The following LRP1B variants were observed in gnomAD, a reference collection of about 807,000 sequenced individuals.
LRP1B encodes the protein low-density lipoprotein receptor-related protein 1B.
A neutral mutation model predicts 556.6 loss-of-function variants in LRP1B; 217 were observed. That is an observed-to-expected ratio of 0.39 (90% confidence interval 0.35 to 0.44). The LOEUF (loss-of-function observed/expected upper bound fraction) is 0.44. Ranked by LOEUF, LRP1B falls within the 20% of genes least tolerant of loss-of-function variation. LRP1B has a pLI of 1.00. For missense variants in LRP1B, 5,053 were observed against 5,620.8 expected (o/e 0.90, Z 3.23); for synonymous variants, 2,047 against 1,865.8 (o/e 1.10, Z -2.50).
intron 45 of LRP1B, among the ~76,000 whole-genome samples, chr2:140,538,293 G>A (rs1680004032): frequency 6.6e-6 from 1 of 152,054 alleles, no homozygotes; most frequent in African/African-American, 2.4e-5. Context: ...ACATGATACT[G>A]AGGTTTAAGA....
At position 141,727,109 on chromosome 2, in the gene LRP1B, T is replaced by G. The variant is rs185266730; in HGVS notation, c.205+83170A>C. On this transcript the variant is annotated intron_variant, in intron 2 of 90. Transcript: ENST00000389484. Reference sequence around the variant, plus strand: ...GGAGATTATTTAATGGGCTAAAATTTGTTATTTTGAAGAAGAAACAAGGAA... The same window carrying G: ...GGAGATTATTTAATGGGCTAAAATTGGTTATTTTGAAGAAGAAACAAGGAA... 2.6e-3 allele frequency among the ~76,000 whole-genome samples: 389 copies of G among 152,244 alleles called. 3 individuals carry two copies. Among genetic ancestry groups the G allele is most frequent in the Non-Finnish European group, 4.8e-3 (328 of 68,014 alleles).
At chr2:141,361,651 A>G (rs918945449) in intron 3 of LRP1B, among the ~76,000 whole-genome samples, 2 of 152,150 alleles carry the variant, frequency 1.3e-5, no homozygotes, top group Non-Finnish European at 2.9e-5. Context: ...TCAGTGCTCA[A>G]ACTACTTGCT....
At chr2:141,223,274 C>T (rs1416847120) in intron 6 of LRP1B, among the ~76,000 whole-genome samples, 1 of 152,156 alleles carries the variant, frequency 6.6e-6, no homozygotes, top group Non-Finnish European at 1.5e-5. Flanking sequence ...CATGAATCAA[C>T]TCCCATTCAC....
intron 20 of LRP1B, among the ~76,000 whole-genome samples, chr2:140,940,716 T>C (rs1008991316): frequency 1.3e-5 from 2 of 152,136 alleles, no homozygotes; most frequent in South Asian, 4.1e-4. Context: ...TTGTGAACAG[T>C]GCTGCAATGA....
intron 3 of LRP1B, among the ~76,000 whole-genome samples, chr2:141,430,459 T>C (rs1680521976): frequency 6.6e-6 from 1 of 152,182 alleles, no homozygotes; most frequent in Non-Finnish European, 1.5e-5. Flanking sequence ...GGTAATTAAT[T>C]ATCAAAAGCT....
Position 141,042,903 on chromosome 2 carries a change from C to T in LRP1B, c.1789+6083G>A, listed in dbSNP as rs570375689. ...TTTGTACTCTTGGGCCCATACTTTA[C>T]GTAAAATTATAAAAATCACCGTTGG... On this transcript the variant is annotated intron_variant, in intron 11 of 90. Transcript: ENST00000389484. 4.9e-4 allele frequency among the ~76,000 whole-genome samples: 74 copies of T among 151,590 alleles called. 1 individual carries two copies. Among genetic ancestry groups the T allele is most frequent in the Non-Finnish European group, 1.0e-3 (68 of 67,868 alleles).
chr2:140,399,792 G>C (rs1238571108), intron 66 of LRP1B, among the ~76,000 whole-genome samples: 2 of 152,192 alleles, frequency 1.3e-5, no homozygotes, highest in African/African-American at 4.8e-5. Context: ...AAACCATTGT[G>C]ATAGATGATA....
chr2:140,277,438 T>A (rs183534859), intron 84 of LRP1B, among the ~76,000 whole-genome samples: 1 of 151,748 alleles, frequency 6.6e-6, no homozygotes. Context: ...ATACAAAAAA[T>A]TAGCTGGATG....
chr2:141,073,039 G>A lies in LRP1B; in HGVS notation c.1014-10766C>T, dbSNP rs992231402. On this transcript the variant is annotated intron_variant, in intron 7 of 90. Transcript: ENST00000389484. ...CTACTAAATGTCATATTCAGCACACGAATTTGCTTTACTATTTATCATTCT... is the reference window on the plus strand; with the variant it reads ...CTACTAAATGTCATATTCAGCACACAAATTTGCTTTACTATTTATCATTCT... 5.9e-5 allele frequency among the ~76,000 whole-genome samples: 9 copies of A among 151,890 alleles called. No individual in the cohort carries two copies. The East Asian group carries it at 1.5e-3, about 26-fold the overall frequency.
intron 72 of LRP1B, among the ~76,000 whole-genome samples, chr2:140,359,617 T>A (rs2105140260): frequency 6.6e-6 from 1 of 151,732 alleles, no homozygotes; most frequent in South Asian, 2.1e-4. Context: ...CATCCTTAGA[T>A]GTGAAGTTAC....
intron 1 of LRP1B, among the ~76,000 whole-genome samples, chr2:141,997,145 A>G (rs532491624): frequency 3.0e-4 from 45 of 152,108 alleles, no homozygotes; most frequent in African/African-American, 1.1e-3. Flanking sequence ...GGCCAAACTG[A>G]AAGGGCAATG....
chr2:140,624,496 C>T (rs769682964), intron 41 of LRP1B, among the ~76,000 whole-genome samples: 1 of 152,118 alleles, frequency 6.6e-6, no homozygotes. Context: ...CTTCTACCCC[C>T]ACCCCAGGTT....
At chr2:141,867,908 C>A (rs946021647) in intron 1 of LRP1B, among the ~76,000 whole-genome samples, 7 of 152,046 alleles carry the variant, frequency 4.6e-5, no homozygotes, top group Admixed American at 2.6e-4. Flanking sequence ...GGCAAGAAAG[C>A]AAGGATGAAC....
At chr2:141,262,604 T>C (rs1684737417) in intron 3 of LRP1B, among the ~76,000 whole-genome samples, 2 of 152,170 alleles carry the variant, frequency 1.3e-5, no homozygotes, top group African/African-American at 4.8e-5. Context: ...GTAAAATCTA[T>C]GACTGAAGGT....
intron 1 of LRP1B, among the ~76,000 whole-genome samples, chr2:141,855,929 T>A (rs1472549569): frequency 1.3e-5 from 2 of 152,170 alleles, no homozygotes; most frequent in African/African-American, 4.8e-5. Flanking sequence ...CTAATGGTAA[T>A]CATATTTTAA....
At chr2:141,145,774 C>A (rs926341394) in intron 7 of LRP1B, among the ~76,000 whole-genome samples, 2 of 151,944 alleles carry the variant, frequency 1.3e-5, no homozygotes, top group African/African-American at 4.8e-5. Flanking sequence ...CTCGGGTGAT[C>A]CGCACACCTC....
chr2:140,532,939 T>C (rs145588280), intron 47 of LRP1B, among the ~76,000 whole-genome samples: 4 of 114,310 alleles, frequency 3.5e-5, no homozygotes, highest in African/African-American at 1.2e-4. Context: ...GATATATATA[T>C]ATATATATAC....
chr2:140,619,763 A>T (rs150883252), intron 41 of LRP1B, among the ~76,000 whole-genome samples: 1 of 152,322 alleles, frequency 6.6e-6, no homozygotes, highest in East Asian at 1.9e-4. Context: ...TGTACAATAC[A>T]TTATAACAAA....
intron 2 of LRP1B, among the ~76,000 whole-genome samples, chr2:141,688,376 C>A (rs1406667092): frequency 6.6e-6 from 1 of 151,814 alleles, no homozygotes; most frequent in Non-Finnish European, 1.5e-5. Context: ...TTACAACAAC[C>A]CTAAAATCCA....
Sources: allele counts gnomAD v4.1 joint callset (sites outside exome capture counted in the v4.1 genomes callset), GRCh38; gene constraint gnomAD v4.1.1; transcripts MANE v1.5; gene names NCBI Gene and HGNC (gene_info 2026-07-23, HGNC 2026-07-21).